The following MSR1 variants were observed in gnomAD, a reference collection of about 807,000 sequenced individuals.
The protein encoded by MSR1 is macrophage scavenger receptor 1.
In MSR1, 53 loss-of-function variants were observed where a neutral mutation model predicts 47.2. The ratio of observed to expected loss-of-function variants is 1.12; its 90% confidence interval spans 0.90 to 1.41. The LOEUF (loss-of-function observed/expected upper bound fraction) is 1.41. MSR1 is among the 40% of genes most tolerant of loss of function. The pLI is 0.00. For synonymous variants in MSR1, 239 were observed against 185.6 expected, an observed-to-expected ratio of 1.29 and a Z score of -2.34; for missense variants, 786 against 546.9, an observed-to-expected ratio of 1.44 and a Z score of -4.36.
At chr8:16,182,435 C>T (rs1464434150) in intron 1 of MSR1, among the ~76,000 whole-genome samples, 1 of 152,122 alleles carries the variant, frequency 6.6e-6, no homozygotes, top group Admixed American at 6.6e-5. Context: ...ACCTTTAATA[C>T]TTTAGAAACC....
intron 1 of MSR1, among the ~76,000 whole-genome samples, chr8:16,183,337 A>G (rs1169018453): frequency 6.6e-6 from 1 of 151,736 alleles, no homozygotes; most frequent in Non-Finnish European, 1.5e-5. Context: ...TACACTCTGA[A>G]CTCTGAACGA....
intron 6 of MSR1, among the ~76,000 whole-genome samples, chr8:16,154,287 T>C (rs1458930303): frequency 6.6e-6 from 1 of 152,008 alleles, no homozygotes; most frequent in Admixed American, 6.6e-5. Context: ...TGCAGTATAC[T>C]TCCTACCATC....
At chr8:16,184,825 A>T (rs1484338448) in intron 1 of MSR1, among the ~76,000 whole-genome samples, 2 of 152,040 alleles carry the variant, frequency 1.3e-5, no homozygotes. Context: ...TAGCATATAG[A>T]AGTGATAATA....
chr8:16,191,772 A>T (rs143661709), intron 1 of MSR1, among the ~76,000 whole-genome samples: 4 of 152,160 alleles, frequency 2.6e-5, no homozygotes, highest in African/African-American at 9.6e-5. Flanking sequence ...TGGTTTTTCT[A>T]TAAGTATTTT....
chr8:16,136,504 CT>C (rs150080157), intron 8 of MSR1, among the ~76,000 whole-genome samples: 7,018 of 151,118 alleles, frequency 0.046, 546 homozygotes, highest in African/African-American at 0.16. Context: ...GTGATAATTG[CT>C]TTTTTTTTGC....
intron 8 of MSR1, among the ~76,000 whole-genome samples, chr8:16,125,476 A>G (rs919021023): frequency 3.3e-5 from 5 of 152,150 alleles, no homozygotes; most frequent in African/African-American, 1.2e-4. Context: ...ATCTCTGCTG[A>G]TTCATTGAAT....
At chr8:16,128,496 A>G (rs542692829) in intron 8 of MSR1, among the ~76,000 whole-genome samples, 1 of 152,154 alleles carries the variant, frequency 6.6e-6, no homozygotes, top group South Asian at 2.1e-4. Flanking sequence ...GGAGAAGCCA[A>G]TCCTGCCCCC....
intron 8 of MSR1, chr8:16,140,391 C>T: frequency 1.0e-6 from 1 of 985,348 alleles, no homozygotes; most frequent in South Asian, 4.7e-5. Flanking sequence ...CAGTAAAAAT[C>T]AAATGAAAAA....
intron 8 of MSR1, among the ~76,000 whole-genome samples, chr8:16,141,485 G>A (rs895520383): frequency 3.9e-5 from 6 of 152,148 alleles, no homozygotes; most frequent in Non-Finnish European, 7.4e-5. Context: ...AAGAGGTAGT[G>A]ACATATATAA....
At position 16,168,776 on chromosome 8, in the gene MSR1, G is replaced by A. The variant is rs1182539277; in HGVS notation, c.312C>T (p.Ser104=). 4.3e-6 allele frequency: 7 copies of A among 1,613,770 alleles called. No homozygotes were observed. Among genetic ancestry groups the A allele is most frequent in the East Asian group, 2.2e-5 (1 of 44,858 alleles). Residue 104 remains serine, a synonymous_variant, in exon 4 of 10, where the codon AGC becomes AGT. Coordinates refer to ENST00000262101, the MANE Select transcript of MSR1 (RefSeq NM_138715.3). ...TQSLTGKGND[S]EEEMRFQEVF... ...CTTCTTGAAATCTCATTTCCTCTTC[G>A]CTGTCATTTCCTTTTCCCGTGAGAC...
chr8:16,136,869 G>A (rs1800403618), intron 8 of MSR1, among the ~76,000 whole-genome samples: 1 of 151,934 alleles, frequency 6.6e-6, no homozygotes, highest in Admixed American at 6.6e-5. Context: ...CCAAAGCGCT[G>A]GGATTACACG....
chr8:16,157,441 C>G (rs1038814431), intron 5 of MSR1, among the ~76,000 whole-genome samples: 1 of 151,282 alleles, frequency 6.6e-6, no homozygotes, highest in Non-Finnish European at 1.5e-5. Flanking sequence ...TATTCGAATC[C>G]TACAATAAGA....
At chr8:16,124,252 T>C (rs1390798477) in intron 8 of MSR1, among the ~76,000 whole-genome samples, 1 of 152,166 alleles carries the variant, frequency 6.6e-6, no homozygotes, top group Non-Finnish European at 1.5e-5. Context: ...GAAAGAGTTT[T>C]GAGCAGACAA....
intron 2 of MSR1, among the ~76,000 whole-genome samples, chr8:16,177,529 C>G (rs1801685698): frequency 6.6e-6 from 1 of 151,892 alleles, no homozygotes; most frequent in African/African-American, 2.4e-5. Flanking sequence ...GAATACATTT[C>G]TGTTTTAAGC....
intron 3 of MSR1, among the ~76,000 whole-genome samples, chr8:16,171,145 GC>G (rs1801473912): frequency 6.7e-6 from 1 of 148,338 alleles, no homozygotes; most frequent in Non-Finnish European, 1.5e-5. Context: ...AATTGCTTGA[GC>G]CCGGGAGGCG....
At chr8:16,164,592 G>A (rs1424394506) in intron 4 of MSR1, among the ~76,000 whole-genome samples, 1 of 151,842 alleles carries the variant, frequency 6.6e-6, no homozygotes, top group Non-Finnish European at 1.5e-5. Context: ...GAAGTAAAAT[G>A]TCTTCGTACT....
intron 4 of MSR1, among the ~76,000 whole-genome samples, chr8:16,166,108 A>G (rs1801298607): frequency 6.6e-6 from 1 of 151,852 alleles, no homozygotes; most frequent in Non-Finnish European, 1.5e-5. Flanking sequence ...CTTCCTAGAA[A>G]CGAGGAATCA....
chr8:16,140,011 T>C, intron 8 of MSR1: 4 of 683,468 alleles, frequency 5.9e-6, no homozygotes, highest in Middle Eastern at 7.6e-4. Context: ...CAATTAGCTC[T>C]GTAAAACCAG....
At chr8:16,190,867 A>G (rs557727299) in intron 1 of MSR1, among the ~76,000 whole-genome samples, 2 of 152,062 alleles carry the variant, frequency 1.3e-5, no homozygotes, top group East Asian at 3.9e-4. Context: ...GATTACAAGC[A>G]TGCACCACCA....
Sources: allele counts gnomAD v4.1 joint callset (sites outside exome capture counted in the v4.1 genomes callset), GRCh38; gene constraint gnomAD v4.1.1; transcripts MANE v1.5; gene names NCBI Gene and HGNC (gene_info 2026-07-23, HGNC 2026-07-21).